Variants in PROM1 observed in about 807,000 individuals in gnomAD.
The protein encoded by PROM1 is prominin 1.
PROM1 carries 105 observed loss-of-function variants against 116.9 expected under a neutral mutation model. The observed-to-expected ratio is 0.90, with a 90% CI of 0.77 to 1.06. PROM1 has a LOEUF of 1.06. Among genes scored for constraint, PROM1 ranks in the 50% least tolerant of loss-of-function variants. The probability of loss-of-function intolerance (pLI) is 0.00; values close to 1 mark genes in which losing one functional copy is unlikely to be tolerated. For missense variants in PROM1, 1,122 were observed against 1,045.2 expected, an observed-to-expected ratio of 1.07 and a Z score of -1.01; for synonymous variants, 393 against 387.0, an observed-to-expected ratio of 1.02 and a Z score of -0.18.
At chr4:15,975,894 C>T (rs1394054661) in intron 26 of PROM1, among the ~76,000 whole-genome samples, 1 of 152,212 alleles carries the variant, frequency 6.6e-6, no homozygotes, top group Non-Finnish European at 1.5e-5. Flanking sequence ...AGGTGTCACT[C>T]AGTCTTTGGG....
Position 15,984,245 on chromosome 4 carries a change from T to C in PROM1, c.2373+18A>G. On this transcript the variant is annotated intron_variant, in intron 23 of 27. Coordinates refer to ENST00000447510, the MANE Select transcript of PROM1 (RefSeq NM_006017.3). ...ATGATGGATTCATTGTGTCTTCTTT[T>C]GAAAGATGAAATCTTACCAAGGGGT... is the stretch of plus-strand genomic sequence containing the variant. 6.5e-7 allele frequency: 1 copy of C among 1,538,840 alleles called. No homozygotes were observed. Among genetic ancestry groups the C allele is most frequent in the Non-Finnish European group, 8.9e-7 (1 of 1,119,028 alleles).
intron 19 of PROM1, among the ~76,000 whole-genome samples, chr4:15,988,461 G>T (rs1048228251): frequency 1.3e-4 from 20 of 152,330 alleles, no homozygotes; most frequent in African/African-American, 4.8e-4. Context: ...CTTTGTCCTT[G>T]TAATCAAAAG....
intron 1 of PROM1, among the ~76,000 whole-genome samples, chr4:16,081,438 G>T (rs1310951732): frequency 1.3e-5 from 2 of 152,086 alleles, no homozygotes; most frequent in Non-Finnish European, 2.9e-5. Flanking sequence ...GAAAACCTAG[G>T]CAATACCATT....
At chr4:16,077,774 T>C (rs1340989700) in intron 1 of PROM1, among the ~76,000 whole-genome samples, 1 of 152,188 alleles carries the variant, frequency 6.6e-6, no homozygotes, top group Admixed American at 6.5e-5. Flanking sequence ...ATCCAGTACA[T>C]GCTTATATGC....
rs975609357 is a variant in PROM1, at chr4:15,992,352, C to A, written c.1807G>T (p.Val603Leu). 3 of 1,613,776 alleles carry A rather than the reference C, an allele frequency of 1.9e-6. No homozygotes were observed. The highest frequency in any genetic ancestry group is 1.7e-6 in the Non-Finnish European group (2 of 1,179,860). Residue 603 changes from valine (V) to leucine (L), a missense_variant, in exon 17 of 28, where the codon GTA becomes TTA. By Grantham distance (32) the Val-to-Leu change is conservative. Transcript: ENST00000447510. ...CCCAACAGAAAGATATTAAGATTTA[C>A]CTTCAGACTTTCCAATTCACTGCTT... ...SISSELESLK[V>L]NLNIFLLGAA...
intron 5 of PROM1, among the ~76,000 whole-genome samples, chr4:16,031,148 T>C (rs150328342): frequency 1.3e-5 from 2 of 152,370 alleles, no homozygotes; most frequent in African/African-American, 4.8e-5. Context: ...TTTCCTGAAA[T>C]TATACTATAT....
intron 8 of PROM1, among the ~76,000 whole-genome samples, chr4:16,022,512 T>C (rs1260633438): frequency 6.6e-6 from 1 of 152,226 alleles, no homozygotes; most frequent in Non-Finnish European, 1.5e-5. Context: ...TCTCAGTTGT[T>C]GAACTATAAG....
chr4:16,052,770 A>G (rs1284889265), intron 2 of PROM1, among the ~76,000 whole-genome samples: 1 of 152,194 alleles, frequency 6.6e-6, no homozygotes, highest in Non-Finnish European at 1.5e-5. Flanking sequence ...TGTGAGCCAC[A>G]GGGCCTGGCG....
intron 20 of PROM1, among the ~76,000 whole-genome samples, chr4:15,986,433 C>A (rs1295606550): frequency 6.6e-6 from 1 of 152,086 alleles, no homozygotes; most frequent in African/African-American, 2.4e-5. Context: ...ACTACAAAAC[C>A]CATAGTCTTT....
At chr4:16,035,824 GA>G in intron 3 of PROM1, 63 bp from the exon 4 acceptor site, 2 of 1,497,884 alleles carry the variant, frequency 1.3e-6, no homozygotes, top group Non-Finnish European at 1.9e-6. Context: ...AAAACAGACA[GA>G]AAAAGTTATG....
At chr4:16,048,949 T>A (rs1372770761) in intron 2 of PROM1, among the ~76,000 whole-genome samples, 1 of 152,006 alleles carries the variant, frequency 6.6e-6, no homozygotes, top group Non-Finnish European at 1.5e-5. Context: ...TTGCACAGGG[T>A]GAAGGGACGC....
chr4:16,020,406 G>A (rs187860230), intron 8 of PROM1, among the ~76,000 whole-genome samples: 205 of 152,140 alleles, frequency 1.3e-3, no homozygotes, highest in African/African-American at 4.8e-3. Flanking sequence ...CAGTATTGTC[G>A]GTGAAGCATG....
intron 5 of PROM1, among the ~76,000 whole-genome samples, chr4:16,026,987 T>A (rs1731444247): frequency 6.6e-6 from 1 of 152,156 alleles, no homozygotes; most frequent in South Asian, 2.1e-4. Flanking sequence ...GATCTTTAGG[T>A]GTAATTAGAT....
rs1005802069 is a variant in PROM1 at position 16,030,589 on chromosome 4, T to C, written c.509+2715A>G. ...ACAAAACGGTAGCTTTCATTTTATA[T>C]ATAAATGGAAGCCAAGTTTATTTTT... On this transcript the variant is annotated intron_variant, in intron 5 of 27. Coordinates refer to ENST00000447510, the MANE Select transcript of PROM1 (RefSeq NM_006017.3). Among the ~76,000 whole-genome samples, 5 of 152,348 alleles carry C rather than the reference T, an allele frequency of 3.3e-5. 1 individual carries two copies. In the South Asian group the frequency reaches 8.3e-4, roughly 25 times the overall value.
At chr4:16,023,994 G>A (rs1175009836) in intron 7 of PROM1, among the ~76,000 whole-genome samples, 2 of 152,160 alleles carry the variant, frequency 1.3e-5, no homozygotes, top group Non-Finnish European at 2.9e-5. Flanking sequence ...CACCTGGCAG[G>A]AAAACAATCT....
rs1169907016 is a variant in PROM1 at position 15,980,217 on chromosome 4, A to G, written c.2489+205T>C. On this transcript the variant is annotated intron_variant, in intron 24 of 27. Transcript: ENST00000447510. The stretch of plus-strand genomic sequence containing the variant: ...TTAGGGAAGCTGAGAGGATTAAGCA[A>G]GAGGAAAAAAGTAGTTAAAACAAGT... 4.6e-6 allele frequency: 3 copies of G among 650,228 alleles called. No individual in the cohort carries two copies. In the Admixed American group the frequency reaches 8.4e-5, roughly 18 times the overall value. The allele number at this position is 650,228 out of a possible 1,614,324, so 40.3% of individuals were successfully genotyped here.
rs563230933 is a variant in PROM1 at position 16,024,371 on chromosome 4, C to A, written c.631-13G>T. On this transcript the variant is annotated splice_polypyrimidine_tract_variant and intron_variant, in intron 6 of 27. Transcript: ENST00000447510. ...TATATTTGATTTGCTGAAAAAAGAA[C>A]ATTCTGTGAAACCTCCCCTTCTAAG... 8.7e-6 allele frequency: 14 copies of A among 1,605,080 alleles called. No individual in the cohort carries two copies. In the African/African-American group the frequency reaches 1.5e-4, roughly 17 times the overall value.
At chr4:16,006,804 G>T in intron 12 of PROM1, 114 bp from the exon 13 acceptor site, 1 of 1,068,348 alleles carries the variant, frequency 9.4e-7, no homozygotes, top group Non-Finnish European at 1.4e-6. Context: ...TAAAATCAGA[G>T]TCTTCTATCA....
chr4:15,988,255 C>T (rs1233214690), intron 19 of PROM1, among the ~76,000 whole-genome samples: 1 of 152,168 alleles, frequency 6.6e-6, no homozygotes, highest in East Asian at 1.9e-4. Flanking sequence ...CTGTGAAGAA[C>T]AGCAAATCAC....
Sources: allele counts gnomAD v4.1 joint callset (sites outside exome capture counted in the v4.1 genomes callset), GRCh38; gene constraint gnomAD v4.1.1; transcripts MANE v1.5; gene names NCBI Gene and HGNC (gene_info 2026-07-23, HGNC 2026-07-21).